SPATA6: variants seen among roughly 807,000 people sequenced by gnomAD.
The protein encoded by SPATA6 is spermatogenesis-associated protein 6.
In SPATA6, 56 loss-of-function variants were observed where a neutral mutation model predicts 65.3. That is an observed-to-expected ratio of 0.86 (90% CI 0.69 to 1.07). The LOEUF is 1.07. SPATA6 is among the 50% of genes least tolerant of loss of function. The probability of loss-of-function intolerance (pLI) is 0.00; values close to 1 mark genes in which losing one functional copy is unlikely to be tolerated. For synonymous variants in SPATA6, 199 were observed against 213.2 expected, an observed-to-expected ratio of 0.93 and a Z score of 0.58; for missense variants, 590 against 594.8, an observed-to-expected ratio of 0.99 and a Z score of 0.08.
chr1:48,322,400 C>T (rs946416833), intron 11 of SPATA6, among the ~76,000 whole-genome samples: 9 of 152,064 alleles, frequency 5.9e-5, no homozygotes, highest in Non-Finnish European at 8.8e-5. Context: ...CTTCCTTACA[C>T]CTTATATAAA....
chr1:48,462,332 C>G (rs1451119534), intron 1 of SPATA6, among the ~76,000 whole-genome samples: 2 of 152,056 alleles, frequency 1.3e-5, no homozygotes, highest in Non-Finnish European at 2.9e-5. Context: ...TACCCTAAAA[C>G]TTAAAGTACA....
intron 5 of SPATA6, among the ~76,000 whole-genome samples, chr1:48,404,497 A>G (rs1255509553): frequency 6.6e-6 from 1 of 152,058 alleles, no homozygotes; most frequent in Non-Finnish European, 1.5e-5. Flanking sequence ...ATACACCACC[A>G]CATTCAGCTA....
At chr1:48,310,879 T>C (rs985853322) in intron 11 of SPATA6, among the ~76,000 whole-genome samples, 4 of 152,136 alleles carry the variant, frequency 2.6e-5, no homozygotes, top group African/African-American at 9.7e-5. Flanking sequence ...CAAAATATGT[T>C]ACCTGGCCAC....
chr1:48,315,863 T>G (rs1318485397), intron 11 of SPATA6, among the ~76,000 whole-genome samples: 1 of 152,132 alleles, frequency 6.6e-6, no homozygotes, highest in East Asian at 1.9e-4. Flanking sequence ...AAAATCAATG[T>G]GAAAAAATCA....
chr1:48,435,405 G>A (rs563052041), intron 3 of SPATA6, among the ~76,000 whole-genome samples: 21 of 151,810 alleles, frequency 1.4e-4, no homozygotes, highest in Non-Finnish European at 2.5e-4. Flanking sequence ...AAAGGACTGC[G>A]AATGCACCAA....
chr1:48,314,697 A>T (rs1451640688), intron 11 of SPATA6, among the ~76,000 whole-genome samples: 1 of 152,206 alleles, frequency 6.6e-6, no homozygotes, highest in East Asian at 1.9e-4. Flanking sequence ...AGATCAGAGC[A>T]GAACTGAAGG....
chr1:48,411,620 T>C (rs1652242236), intron 4 of SPATA6, 32 bp from the exon 5 acceptor site: 8 of 1,486,366 alleles, frequency 5.4e-6, no homozygotes, highest in Non-Finnish European at 7.2e-6. Context: ...ATTCAAATTA[T>C]AATAAAATAT....
chr1:48,317,040 A>G (rs1570085347), intron 11 of SPATA6, among the ~76,000 whole-genome samples: 1 of 152,210 alleles, frequency 6.6e-6, no homozygotes, highest in Non-Finnish European at 1.5e-5. Flanking sequence ...CAGGTGCTGG[A>G]AAGATGTGAA....
chr1:48,266,033 T>C, the SPATA6 span, among the ~76,000 whole-genome samples: 2 of 152,206 alleles, frequency 1.3e-5, no homozygotes, highest in South Asian at 2.1e-4. Flanking sequence ...TAAACATTTC[T>C]AGTAGAGCTG....
the SPATA6 span, among the ~76,000 whole-genome samples, chr1:48,268,043 G>A: frequency 7.2e-5 from 11 of 151,948 alleles, no homozygotes; most frequent in South Asian, 4.2e-4. Flanking sequence ...GAGCCACCGC[G>A]CCCGGCCAGG....
chr1:48,358,531 G>A (rs1176754916), intron 10 of SPATA6, among the ~76,000 whole-genome samples: 3 of 151,968 alleles, frequency 2.0e-5, no homozygotes, highest in Non-Finnish European at 4.4e-5. Context: ...TCTAAAAGTC[G>A]GTAAAAAGAA....
chr1:48,428,579 A>T (rs1314761480), intron 3 of SPATA6, among the ~76,000 whole-genome samples: 2 of 152,224 alleles, frequency 1.3e-5, no homozygotes, highest in African/African-American at 4.8e-5. Context: ...TTTACTATTT[A>T]TTAAGTGGAA....
At chr1:48,442,194 C>T (rs1388546665) in intron 3 of SPATA6, among the ~76,000 whole-genome samples, 2 of 152,150 alleles carry the variant, frequency 1.3e-5, no homozygotes, top group African/African-American at 4.8e-5. Context: ...TAAGCCTCTT[C>T]CCCCAGGGAC....
At chr1:48,331,440 A>T (rs184698069) in intron 11 of SPATA6, among the ~76,000 whole-genome samples, 34 of 152,226 alleles carry the variant, frequency 2.2e-4, no homozygotes, top group Admixed American at 2.0e-3. Flanking sequence ...TATCACAAGT[A>T]TTAACAGCAG....
At chr1:48,440,994 G>A (rs1013938745) in intron 3 of SPATA6, among the ~76,000 whole-genome samples, 15 of 152,172 alleles carry the variant, frequency 9.9e-5, no homozygotes, top group Non-Finnish European at 1.9e-4. Context: ...AATGGAGCAG[G>A]CCAGTCACCT....
chr1:48,469,222 A>T (rs1048562187), intron 1 of SPATA6, among the ~76,000 whole-genome samples: 6 of 152,210 alleles, frequency 3.9e-5, no homozygotes, highest in African/African-American at 1.2e-4. Flanking sequence ...GCAAAAAAAT[A>T]AAAAATTTAT....
intron 1 of SPATA6, among the ~76,000 whole-genome samples, chr1:48,470,277 G>C (rs752948576): frequency 5.3e-5 from 8 of 152,110 alleles, no homozygotes; most frequent in Admixed American, 1.3e-4. Context: ...CAGCCAGCCA[G>C]TCAGGCAGCT....
intron 9 of SPATA6, among the ~76,000 whole-genome samples, chr1:48,380,978 G>C (rs971027706): frequency 2.0e-5 from 3 of 152,172 alleles, no homozygotes; most frequent in African/African-American, 7.2e-5. Context: ...GTTTCAGAAT[G>C]AAACTGTTCC....
intron 7 of SPATA6, among the ~76,000 whole-genome samples, chr1:48,398,396 C>A (rs994048880): frequency 1.3e-5 from 2 of 151,572 alleles, no homozygotes; most frequent in Non-Finnish European, 3.0e-5. Flanking sequence ...TCTGAACTTT[C>A]AGATTGTGTA....
Sources: gnomAD v4.1 joint callset for allele counts (sites outside exome capture counted in the v4.1 genomes callset) on GRCh38, gnomAD v4.1.1 for gene constraint, MANE v1.5 for transcripts, NCBI Gene and HGNC (gene_info 2026-07-23, HGNC 2026-07-21) for gene names.